KDM3B: variants seen among roughly 807,000 people sequenced by gnomAD.
The protein encoded by KDM3B is lysine demethylase 3B.
A neutral mutation model predicts 170.0 loss-of-function variants in KDM3B; 10 were observed. The ratio of observed to expected loss-of-function variants is 0.06; its 90% confidence interval spans 0.04 to 0.10. The LOEUF (loss-of-function observed/expected upper bound fraction) is 0.10. Ranked by LOEUF, KDM3B falls within the 10% of genes least tolerant of loss-of-function variation. KDM3B has a pLI of 1.00. For synonymous variants in KDM3B, 831 were observed against 834.8 expected (o/e 1.00, Z 0.08); for missense variants, 1,394 against 2,195.2 (o/e 0.64, Z 7.29).
chr5:138,405,598 ATAAAGT>A lies in KDM3B; in HGVS notation c.3199+5592_3199+5597del, dbSNP rs200434731. 2.4e-3 allele frequency among the ~76,000 whole-genome samples: 359 copies of A among 152,324 alleles called. 4 individuals are homozygous for A. Among genetic ancestry groups the A allele is most frequent in the African/African-American group, 8.1e-3 (337 of 41,572 alleles). On this transcript the variant is annotated intron_variant, in intron 11 of 23. Coordinates refer to ENST00000314358, the MANE Select transcript of KDM3B (RefSeq NM_016604.4). ...GCACCACCAGCAGATCCACACGATA[ATAAAGT>A]TAAAGGTAGTTATTCAGGCAGAAGA...
At chr5:138,370,548 A>T (rs1365485106) in intron 1 of KDM3B, among the ~76,000 whole-genome samples, 2 of 152,138 alleles carry the variant, frequency 1.3e-5, no homozygotes, top group African/African-American at 2.4e-5. Context: ...TATTTTTTCC[A>T]CTGTGGTAAA....
chr5:138,371,454 CAAAAAAAA>C (rs747631161), intron 1 of KDM3B, among the ~76,000 whole-genome samples: 1 of 56,682 alleles, frequency 1.8e-5, no homozygotes, highest in African/African-American at 6.3e-5. Context: ...GACCCTGTCT[CAAAAAAAA>C]AAAAAAAAAA....
At chr5:138,419,712 TATATATACACACACATAC>T (rs1763215303) in intron 14 of KDM3B, among the ~76,000 whole-genome samples, 4 of 90,320 alleles carry the variant, frequency 4.4e-5, no homozygotes, top group African/African-American at 1.9e-4. Flanking sequence ...CACACACACA[TATATATACACACACATAC>T]ACACACACAC....
intron 14 of KDM3B, among the ~76,000 whole-genome samples, chr5:138,420,092 T>C (rs185902427): frequency 7.4e-4 from 112 of 152,304 alleles, no homozygotes; most frequent in Non-Finnish European, 1.5e-3. Flanking sequence ...TTCTCCATGT[T>C]GGTCAGGCTG....
At chr5:138,353,423 G>T (rs1273717650) in intron 1 of KDM3B, among the ~76,000 whole-genome samples, 4 of 152,220 alleles carry the variant, frequency 2.6e-5, no homozygotes. Context: ...TTCTCCCAGA[G>T]CCCCAAGTGG....
intron 1 of KDM3B, among the ~76,000 whole-genome samples, chr5:138,357,063 G>A (rs1205040980): frequency 1.3e-5 from 2 of 150,778 alleles, no homozygotes; most frequent in South Asian, 2.1e-4. Flanking sequence ...TCTGTCTCCC[G>A]GGCTGGAGTG....
chr5:138,362,452 T>C (rs1453628098), intron 1 of KDM3B, among the ~76,000 whole-genome samples: 3 of 151,700 alleles, frequency 2.0e-5, no homozygotes, highest in Non-Finnish European at 4.4e-5. Context: ...TGAGGGCCCA[T>C]TGATTTTTTT....
chr5:138,427,091 T>C, intron 18 of KDM3B, 26 bp downstream of exon 18: 2 of 1,611,618 alleles, frequency 1.2e-6, no homozygotes, highest in Non-Finnish European at 1.7e-6. Flanking sequence ...TGGTGTCATC[T>C]TCAGAAGCCA....
chr5:138,386,723 T>G, intron 7 of KDM3B, 102 bp downstream of exon 7: 1 of 1,446,950 alleles, frequency 6.9e-7, no homozygotes, highest in South Asian at 1.3e-5. Context: ...GGAAGGAGTA[T>G]TTCTGAGATG....
At chr5:138,377,340 A>G (rs1464824896) in intron 3 of KDM3B, among the ~76,000 whole-genome samples, 1 of 152,264 alleles carries the variant, frequency 6.6e-6, no homozygotes, top group Non-Finnish European at 1.5e-5. Flanking sequence ...TATTGTATGT[A>G]GAAAGATACA....
intron 23 of KDM3B, among the ~76,000 whole-genome samples, chr5:138,433,435 C>G (rs898172647): frequency 4.4e-5 from 6 of 136,754 alleles, no homozygotes; most frequent in African/African-American, 1.7e-4. Flanking sequence ...TTGAGACAGT[C>G]TCACTCTGTC....
In KDM3B at chr5:138,427,221, C is replaced by T; in HGVS notation, c.4535C>T (p.Pro1512Leu). The T allele has an allele frequency of 6.2e-7, 1 of 1,613,832 alleles. No homozygotes were observed. The highest frequency in any genetic ancestry group is 1.1e-5 in the South Asian group (1 of 91,078). ...GATCTGATGGAGAACCTTCCTCTGC[C>T]AGAATATACCAAACGAGATGGCAGG... ...FEDLMENLPL[P>L]EYTKRDGRLN... Residue 1512 changes from proline (P) to leucine (L), a missense_variant, in exon 19 of 24, where the codon CCA becomes CTA. Around this residue, in one of 19 missense-constraint regions of KDM3B, gnomAD observed 66 missense variants for 178.8 expected, o/e 0.37. Transcript: ENST00000314358.
At chr5:138,370,488 G>A (rs1345260012) in intron 1 of KDM3B, among the ~76,000 whole-genome samples, 1 of 151,796 alleles carries the variant, frequency 6.6e-6, no homozygotes, top group Non-Finnish European at 1.5e-5. Context: ...TTGAGAACAT[G>A]TATACAAACA....
chr5:138,398,477 T>G (rs1357236834), intron 10 of KDM3B, 85 bp downstream of exon 10: 22 of 1,141,084 alleles, frequency 1.9e-5, no homozygotes, highest in Non-Finnish European at 2.7e-5. Context: ...TTGGGGACAG[T>G]GGCAGATGGC....
intron 3 of KDM3B, among the ~76,000 whole-genome samples, chr5:138,375,835 C>G (rs1761985387): frequency 6.6e-6 from 1 of 151,926 alleles, no homozygotes; most frequent in South Asian, 2.1e-4. Flanking sequence ...TGCCACCACA[C>G]CCAGATAATT....
At chr5:138,386,716 A>G in intron 7 of KDM3B, 95 bp downstream of exon 7, 1 of 1,485,310 alleles carries the variant, frequency 6.7e-7, no homozygotes, top group Non-Finnish European at 9.1e-7. Context: ...GCCCCAGGGA[A>G]GGAGTATTTC....
chr5:138,424,703 C>T lies in KDM3B; in HGVS notation c.4239+362C>T, dbSNP rs3777384. On this transcript the variant is annotated intron_variant, in intron 16 of 23. Transcript: ENST00000314358. Reference sequence around the variant, plus strand: ...GGTGAGGCAGGAGAATCACTTTACCCGGGAAGCAGAGGGTGCGGTGAGCCA... The same window carrying T: ...GGTGAGGCAGGAGAATCACTTTACCTGGGAAGCAGAGGGTGCGGTGAGCCA... 1.1e-3 allele frequency among the ~76,000 whole-genome samples: 163 copies of T among 152,240 alleles called. 4 individuals are homozygous for T. In the East Asian group the frequency reaches 0.022, roughly 21 times the overall value.
chr5:138,432,049 G>A (rs1763544971), intron 23 of KDM3B, among the ~76,000 whole-genome samples: 2 of 152,190 alleles, frequency 1.3e-5, no homozygotes, highest in Admixed American at 1.3e-4. Context: ...ACAGGTGTGA[G>A]CCACTGCTTA....
At chr5:138,363,472 A>G (rs781313160) in intron 1 of KDM3B, among the ~76,000 whole-genome samples, 8 of 152,156 alleles carry the variant, frequency 5.3e-5, no homozygotes, top group Non-Finnish European at 1.2e-4. Context: ...CTTAGATTTG[A>G]AGCATTTGGT....
Sources: allele counts gnomAD v4.1 joint callset (sites outside exome capture counted in the v4.1 genomes callset), GRCh38; gene constraint gnomAD v4.1.1; regional missense constraint gnomAD v4.1.1; transcripts MANE v1.5; gene names NCBI Gene and HGNC (gene_info 2026-07-23, HGNC 2026-07-21).